The following NRG3 variants were observed in gnomAD, a reference collection of about 807,000 sequenced individuals.
NRG3 encodes neuregulin 3.
A neutral mutation model predicts 66.9 loss-of-function variants in NRG3; 31 were observed. The observed-to-expected ratio is 0.46, with a 90% confidence interval of 0.35 to 0.63. The LOEUF (loss-of-function observed/expected upper bound fraction) is 0.63, where lower values mean the gene tolerates loss of function less well. Ranked by LOEUF, NRG3 falls within the 20% of genes least tolerant of loss-of-function variation. The pLI, the probability that NRG3 is intolerant of heterozygous loss-of-function variation, is 0.00. For missense variants in NRG3, 910 were observed against 878.9 expected (o/e 1.04, Z -0.45); for synonymous variants, 393 against 359.4 (o/e 1.09, Z -1.06).
intron 1 of NRG3, among the ~76,000 whole-genome samples, chr10:82,294,171 C>T (rs2079910958): frequency 6.6e-6 from 1 of 152,168 alleles, no homozygotes; most frequent in Non-Finnish European, 1.5e-5. Flanking sequence ...TAGCCTCAGT[C>T]TTCTCTGATG....
At chr10:82,739,846 T>G (rs1029170520) in intron 3 of NRG3, among the ~76,000 whole-genome samples, 2 of 152,216 alleles carry the variant, frequency 1.3e-5, no homozygotes, top group Non-Finnish European at 2.9e-5. Context: ...AGGATGGTAT[T>G]ACTGGAGTTT....
At chr10:82,532,482 ACT>A (rs949301629) in intron 2 of NRG3, among the ~76,000 whole-genome samples, 11 of 147,854 alleles carry the variant, frequency 7.4e-5, no homozygotes, top group African/African-American at 1.5e-4. Flanking sequence ...TATATATAGT[ACT>A]CTCTATATAT....
intron 2 of NRG3, among the ~76,000 whole-genome samples, chr10:82,705,175 T>C (rs2056193033): frequency 6.6e-6 from 1 of 152,178 alleles, no homozygotes; most frequent in South Asian, 2.1e-4. Context: ...AATATTTGAA[T>C]TTTGTGATCA....
chr10:82,430,348 C>T (rs887669449), intron 2 of NRG3, among the ~76,000 whole-genome samples: 2 of 152,028 alleles, frequency 1.3e-5, no homozygotes, highest in African/African-American at 4.8e-5. Context: ...AGCTCTGCCT[C>T]CTGGGTTCAC....
At chr10:82,349,114 G>A (rs1479547743) in intron 1 of NRG3, among the ~76,000 whole-genome samples, 11 of 152,164 alleles carry the variant, frequency 7.2e-5, no homozygotes, top group Non-Finnish European at 1.6e-4. Flanking sequence ...GTGAGGAACT[G>A]CGTTCCTTTG....
intron 2 of NRG3, among the ~76,000 whole-genome samples, chr10:82,409,604 A>C (rs532104646): frequency 1.3e-5 from 2 of 152,306 alleles, no homozygotes; most frequent in South Asian, 4.1e-4. Context: ...TTGTCAGAAA[A>C]AACAACTTTC....
At chr10:82,373,438 G>C (rs1361140459) in intron 2 of NRG3, among the ~76,000 whole-genome samples, 1 of 152,166 alleles carries the variant, frequency 6.6e-6, no homozygotes, top group African/African-American at 2.4e-5. Context: ...TGTGCTTAGA[G>C]CCTGGCCTCC....
At chr10:82,693,505 C>T (rs908541733) in intron 2 of NRG3, among the ~76,000 whole-genome samples, 3 of 152,168 alleles carry the variant, frequency 2.0e-5, no homozygotes, top group Non-Finnish European at 2.9e-5. Flanking sequence ...GTCTTACCAG[C>T]GGTGTGACTG....
At chr10:82,073,387 T>C (rs1282772319) in intron 1 of NRG3, among the ~76,000 whole-genome samples, 1 of 152,224 alleles carries the variant, frequency 6.6e-6, no homozygotes, top group Non-Finnish European at 1.5e-5. Flanking sequence ...AATCAGGGTA[T>C]AGAAATATAA....
At chr10:82,746,153 A>G (rs1225740994) in intron 3 of NRG3, among the ~76,000 whole-genome samples, 1 of 152,138 alleles carries the variant, frequency 6.6e-6, no homozygotes, top group Non-Finnish European at 1.5e-5. Context: ...CAGTCTCCCA[A>G]AGTGCTGGGA....
intron 1 of NRG3, among the ~76,000 whole-genome samples, chr10:82,256,112 T>C (rs1021165494): frequency 1.3e-5 from 2 of 151,968 alleles, no homozygotes; most frequent in African/African-American, 4.8e-5. Flanking sequence ...CTAGTAGAGA[T>C]GGGGTTTCAC....
intron 2 of NRG3, among the ~76,000 whole-genome samples, chr10:82,428,432 T>C (rs1190204069): frequency 1.3e-5 from 2 of 152,038 alleles, no homozygotes; most frequent in Non-Finnish European, 1.5e-5. Flanking sequence ...CTTGTGAATT[T>C]TTTTCCTTTG....
chr10:82,902,014 T>C (rs988931645), intron 4 of NRG3, among the ~76,000 whole-genome samples: 1 of 152,204 alleles, frequency 6.6e-6, no homozygotes, highest in African/African-American at 2.4e-5. Context: ...CATAAATGGA[T>C]AGGTAAATAT....
In NRG3 at chr10:82,542,093, G is replaced by T. The variant is rs187769289; in HGVS notation, c.953+183225G>T. On this transcript the variant is annotated intron_variant, in intron 2 of 8. Transcript: ENST00000372141. ...CCCCTTTCCCTCTACCCACTGACAG[G>T]CCCCAGTGTGTGGTGTTCCCCTCTC... Among the ~76,000 whole-genome samples the T allele has an allele frequency of 1.2e-4, 19 of 152,066 alleles. No homozygotes were observed. In the East Asian group the frequency reaches 3.1e-3, roughly 25 times the overall value.
intron 2 of NRG3, among the ~76,000 whole-genome samples, chr10:82,458,855 C>T (rs2091387557): frequency 6.6e-6 from 1 of 152,186 alleles, no homozygotes; most frequent in Non-Finnish European, 1.5e-5. Context: ...GTAGCATTCC[C>T]CATGCCTCAG....
intron 2 of NRG3, among the ~76,000 whole-genome samples, chr10:82,397,214 C>A (rs2086770880): frequency 6.6e-6 from 1 of 152,274 alleles, no homozygotes; most frequent in East Asian, 1.9e-4. Flanking sequence ...TGTCTAGACT[C>A]CTAAGACTAT....
At chr10:82,320,281 C>G (rs1368020828) in intron 1 of NRG3, among the ~76,000 whole-genome samples, 1 of 152,094 alleles carries the variant, frequency 6.6e-6, no homozygotes, top group Admixed American at 6.5e-5. Flanking sequence ...GAAGTTCTTT[C>G]CTGATGCTTA....
intron 1 of NRG3, among the ~76,000 whole-genome samples, chr10:82,226,793 G>T (rs2076184461): frequency 6.6e-6 from 1 of 152,136 alleles, no homozygotes; most frequent in Admixed American, 6.5e-5. Flanking sequence ...TAGTTGTCCA[G>T]ATTCAAATTC....
At chr10:82,459,139 C>T (rs948048945) in intron 2 of NRG3, among the ~76,000 whole-genome samples, 7 of 152,164 alleles carry the variant, frequency 4.6e-5, no homozygotes, top group African/African-American at 1.7e-4. Context: ...AATCAAAGCA[C>T]TTTGTTTAGT....
Sources: allele counts gnomAD v4.1 joint callset (sites outside exome capture counted in the v4.1 genomes callset), GRCh38; gene constraint gnomAD v4.1.1; transcripts MANE v1.5; gene names NCBI Gene and HGNC (gene_info 2026-07-23, HGNC 2026-07-21).